The following DEF6 variants were observed in gnomAD, a reference collection of about 807,000 sequenced individuals.
The protein encoded by DEF6 is differentially expressed in FDCP 6 homolog.
DEF6 carries 32 observed loss-of-function variants against 80.5 expected under a neutral mutation model. The observed-to-expected ratio is 0.40, with a 90% CI of 0.30 to 0.53. DEF6 has a LOEUF of 0.53. Ranked by LOEUF, DEF6 falls within the 20% of genes least tolerant of loss-of-function variation. DEF6 has a pLI of 0.57. For missense variants in DEF6, 575 were observed against 818.7 expected (o/e 0.70, Z 3.63); for synonymous variants, 300 against 337.9 (o/e 0.89, Z 1.23).
At chr6:35,316,533 G>T (rs531414653) in intron 5 of DEF6, among the ~76,000 whole-genome samples, 1 of 152,216 alleles carries the variant, frequency 6.6e-6, no homozygotes, top group Non-Finnish European at 1.5e-5. Flanking sequence ...AATGTTAGCT[G>T]TGAGTTTGTC....
chr6:35,306,202 T>C (rs564688174), intron 1 of DEF6, among the ~76,000 whole-genome samples: 1 of 148,518 alleles, frequency 6.7e-6, no homozygotes, highest in East Asian at 2.2e-4. Context: ...CCCAAAAAAA[T>C]TTTGAAGTAA....
intron 10 of DEF6, 76 bp downstream of exon 10, chr6:35,321,050 C>T: frequency 4.5e-6 from 7 of 1,555,540 alleles, no homozygotes; most frequent in South Asian, 1.1e-5. Context: ...CCCTGGGAGA[C>T]CTCCAGATCT....
In DEF6 at chr6:35,318,858, T is replaced by C. The variant is rs1330739484; in HGVS notation, c.1215+387T>C. On this transcript the variant is annotated intron_variant, in intron 7 of 10. Coordinates refer to ENST00000316637, the MANE Select transcript of DEF6 (RefSeq NM_022047.4). The surrounding 1 kb of genome is among the most constrained non-coding windows in gnomAD (Gnocchi z 5.1). ...TGAACTAAGTTTACAGTGAAACCAG[T>C]TTGAGAGGCAAGCGGGACGCGTATG... Among the ~76,000 whole-genome samples, 2 of 152,056 alleles carry C rather than the reference T, an allele frequency of 1.3e-5. No homozygotes were observed. The highest frequency in any genetic ancestry group is 2.9e-5 in the Non-Finnish European group (2 of 68,016).
chr6:35,317,638 T>A (rs750712343), intron 5 of DEF6: 1 of 426,202 alleles, frequency 2.3e-6, no homozygotes, highest in Non-Finnish European at 4.3e-6. Context: ...GAGTGGCGAT[T>A]ATGTACTGGG....
intron 10 of DEF6, 42 bp downstream of exon 10, chr6:35,321,016 G>T (rs1791584182): frequency 1.2e-6 from 2 of 1,606,048 alleles, no homozygotes; most frequent in Non-Finnish European, 1.7e-6. Flanking sequence ...GGAGCTGGGA[G>T]GGAGAAAGGA....
At chr6:35,314,425 A>AG (rs1791502319) in intron 5 of DEF6, among the ~76,000 whole-genome samples, 1 of 151,810 alleles carries the variant, frequency 6.6e-6, no homozygotes, top group African/African-American at 2.4e-5. Flanking sequence ...AAAAAAAAAA[A>AG]AAGATGTTCT....
At chr6:35,311,406 CTGGCTTCTG>C (rs1791465383) in intron 3 of DEF6, among the ~76,000 whole-genome samples, 5 of 152,126 alleles carry the variant, frequency 3.3e-5, no homozygotes, top group Admixed American at 2.6e-4. Context: ...CACATTTGTC[CTGGCTTCTG>C]TTTGTGGGAA....
chr6:35,299,159 AG>A (rs1256885660), intron 1 of DEF6, among the ~76,000 whole-genome samples: 1 of 152,106 alleles, frequency 6.6e-6, no homozygotes, highest in Non-Finnish European at 1.5e-5. Context: ...CAGGAAGGAG[AG>A]CCCACTACTA....
intron 1 of DEF6, 44 bp from the exon 2 acceptor site, chr6:35,309,625 TG>T (rs1791437174): frequency 6.3e-7 from 1 of 1,599,354 alleles, no homozygotes; most frequent in African/African-American, 1.3e-5. Flanking sequence ...GGCCCAGTTT[TG>T]GTTGGGGTGC....
chr6:35,307,595 C>T (rs1161401130), intron 1 of DEF6, among the ~76,000 whole-genome samples: 1 of 152,106 alleles, frequency 6.6e-6, no homozygotes, highest in African/African-American at 2.4e-5. Flanking sequence ...TATTCTATGA[C>T]CACAGATGTG....
intron 1 of DEF6, among the ~76,000 whole-genome samples, chr6:35,305,388 G>A (rs1397747316): frequency 6.6e-6 from 1 of 152,022 alleles, no homozygotes; most frequent in Non-Finnish European, 1.5e-5. Context: ...TACTCGGGAG[G>A]TTGAAGTGGG....
In DEF6 at chr6:35,312,312, T is replaced by C; in HGVS notation, c.434T>C (p.Leu145Pro). Residue 145 changes from leucine to proline, a missense_variant, in exon 4 of 11, where the codon CTG becomes CCG. Leu to Pro is a moderately conservative substitution (Grantham distance 98). Transcript: ENST00000316637. The surrounding 1 kb of genome is among the most constrained non-coding windows in gnomAD (Gnocchi z 6.6). ...CTTCTCCTGCTCCAGGTGGAATACC[T>C]GCTGAAAAAGGTACTCAGCAGCATG... ...LIMVPDEVEY[L>P]LKKVLSSMSL... The C allele has an allele frequency of 1.2e-6, 2 of 1,613,868 alleles. No individual in the cohort carries two copies. The highest frequency in any genetic ancestry group is 1.7e-6 in the Non-Finnish European group (2 of 1,179,840).
intron 1 of DEF6, among the ~76,000 whole-genome samples, chr6:35,301,728 T>TTTTG: frequency 3.7e-4 from 1 of 2,712 alleles, no homozygotes; most frequent in East Asian, 0.062. Flanking sequence ...GAGCTGTGTC[T>TTTTG]TTTTTTTTTT....
intron 1 of DEF6, among the ~76,000 whole-genome samples, chr6:35,305,135 G>A (rs1791372125): frequency 1.4e-5 from 2 of 146,172 alleles, no homozygotes; most frequent in Non-Finnish European, 3.0e-5. Context: ...TCATCTCTAT[G>A]AAAAAAAAGA....
At position 35,297,864 on chromosome 6, in the gene DEF6, T is replaced by C; in HGVS notation, c.8T>C (p.Leu3Pro). The C allele has an allele frequency of 6.2e-7, 1 of 1,600,792 alleles. No homozygotes were observed. The highest frequency in any genetic ancestry group is 8.5e-7 in the Non-Finnish European group (1 of 1,174,618). Reference sequence around the variant, plus strand: ...CGGGCGGGCGCCTCAGCCATGGCCCTGCGCAAGGAACTGCTCAAGTCCATC... The same window carrying C: ...CGGGCGGGCGCCTCAGCCATGGCCCCGCGCAAGGAACTGCTCAAGTCCATC... MA[L>P]RKELLKSIWY... is the part of the protein sequence containing the mutation. The change falls in exon 1 of 11, where the codon CTG becomes CCG. Residue 3 changes from leucine (L) to proline (P), a missense_variant. Transcript: ENST00000316637.
Position 35,312,262 on chromosome 6 carries a change from C to T in DEF6, c.424-40C>T, listed in dbSNP as rs1397399133. The T allele has an allele frequency of 6.3e-7, 1 of 1,578,592 alleles. No homozygotes were observed. Among genetic ancestry groups the T allele is most frequent in the Non-Finnish European group, 8.7e-7 (1 of 1,151,556 alleles). On this transcript the variant is annotated intron_variant, in intron 3 of 10. Coordinates refer to ENST00000316637, the MANE Select transcript of DEF6 (RefSeq NM_022047.4). The surrounding 1 kb of genome is among the most constrained non-coding windows in gnomAD (Gnocchi z 6.6). ...TCCCTGGTGTTGGTGCTGGCAACAC[C>T]ACCTGCTGCAGCTACCAGGCCTTCC...
chr6:35,314,110 C>A (rs1791498368), intron 5 of DEF6, among the ~76,000 whole-genome samples: 1 of 152,116 alleles, frequency 6.6e-6, no homozygotes, highest in Non-Finnish European at 1.5e-5. Flanking sequence ...CATCTTTTTA[C>A]AGAAAAGATA....
rs573313052 is a variant in DEF6 at position 35,315,088 on chromosome 6, G to A, written c.807+2316G>A. ...AAAAATGAGTTCTCTGTAAATGCAT[G>A]GATTTATATCTAGGTTATCTATTCT... On this transcript the variant is annotated intron_variant, in intron 5 of 10. Coordinates refer to ENST00000316637, the MANE Select transcript of DEF6 (RefSeq NM_022047.4). Among the ~76,000 whole-genome samples the A allele has an allele frequency of 1.1e-4, 17 of 152,274 alleles. No individual in the cohort carries two copies. The East Asian group carries it at 3.3e-3, about 29-fold the overall frequency.
intron 2 of DEF6, 103 bp downstream of exon 2, chr6:35,309,913 A>G: frequency 7.3e-7 from 1 of 1,377,730 alleles, no homozygotes; most frequent in Non-Finnish European, 1.0e-6. Context: ...CCTGCCATAA[A>G]CTCCTACTTC....
Sources: allele counts gnomAD v4.1 joint callset (sites outside exome capture counted in the v4.1 genomes callset), GRCh38; gene constraint gnomAD v4.1.1; non-coding constraint Gnocchi (gnomAD v3.1); transcripts MANE v1.5; gene names NCBI Gene and HGNC (gene_info 2026-07-23, HGNC 2026-07-21).